ANKRD44: variants seen among roughly 807,000 people sequenced by gnomAD.
ANKRD44 encodes the protein serine/threonine-protein phosphatase 6 regulatory ankyrin repeat subunit B.
In ANKRD44, 35 loss-of-function variants were observed where a neutral mutation model predicts 116.0. The ratio of observed to expected loss-of-function variants is 0.30; its 90% CI spans 0.23 to 0.40. The LOEUF (loss-of-function observed/expected upper bound fraction) is 0.40. Ranked by LOEUF, ANKRD44 falls within the 10% of genes least tolerant of loss-of-function variation. The probability of loss-of-function intolerance (pLI) is 1.00; values close to 1 mark genes in which losing one functional copy is unlikely to be tolerated. For missense variants in ANKRD44, 1,014 were observed against 1,242.6 expected (o/e 0.82, Z 2.77); for synonymous variants, 435 against 461.8 (o/e 0.94, Z 0.74).
At chr2:197,207,168 A>T (rs2081226503) in intron 1 of ANKRD44, among the ~76,000 whole-genome samples, 1 of 152,190 alleles carries the variant, frequency 6.6e-6, no homozygotes, top group African/African-American at 2.4e-5. Context: ...TCTACCCCAA[A>T]ATTGGCCACA....
At chr2:197,150,616 ACTATGATCC>A (rs1309101920) in intron 2 of ANKRD44, among the ~76,000 whole-genome samples, 1 of 151,192 alleles carries the variant, frequency 6.6e-6, no homozygotes, top group Non-Finnish European at 1.5e-5. Flanking sequence ...AAACCCTTCT[ACTATGATCC>A]CTAAGAAATC....
At chr2:197,183,227 C>T (rs534371246) in intron 2 of ANKRD44, among the ~76,000 whole-genome samples, 36 of 152,012 alleles carry the variant, frequency 2.4e-4, no homozygotes, top group African/African-American at 8.0e-4. Context: ...ACATGTGACC[C>T]ATCAAAAAGC....
At chr2:197,004,703 T>G (rs1041892561) in intron 21 of ANKRD44, among the ~76,000 whole-genome samples, 1 of 152,142 alleles carries the variant, frequency 6.6e-6, no homozygotes, top group Admixed American at 6.5e-5. Flanking sequence ...CAAAATAATA[T>G]GGTATAATTT....
chr2:197,307,180 A>T lies in ANKRD44; in HGVS notation c.27+3398T>A, dbSNP rs571747841. Among the ~76,000 whole-genome samples the T allele has an allele frequency of 2.0e-5, 3 of 152,328 alleles. No individual in the cohort carries two copies. The South Asian group carries it at 6.2e-4, about 32-fold the overall frequency. On this transcript the variant is annotated intron_variant, in intron 1 of 27. Transcript: ENST00000282272. ...AGTCAAATGCCTTAGATCTGTATTT[A>T]ACAAAATTTTCTTTCCCAAACTTAA...
rs142079582 is a variant in ANKRD44, at chr2:197,141,090, G to A, written c.191-4428C>T. ...AAATTAGCTGGGCATGATGGCAGGC[G>A]CCTGTAATCCCAGCTACTCAAAAGG... On this transcript the variant is annotated intron_variant, in intron 3 of 27. Transcript: ENST00000282272. Among the ~76,000 whole-genome samples the A allele has an allele frequency of 4.4e-3, 675 of 152,184 alleles. 4 individuals carry two copies. The highest frequency in any genetic ancestry group is 0.015 in the African/African-American group (637 of 41,520).
rs780136055 is a variant in ANKRD44 at position 196,998,988 on chromosome 2, T to G, written c.2584A>C (p.Ser862Arg). 1.4e-5 allele frequency: 22 copies of G among 1,614,118 alleles called. No homozygotes were observed. The highest frequency in any genetic ancestry group is 1.5e-5 in the Non-Finnish European group (18 of 1,180,044). ...VECLQLLLRH[S>R]APVNAVDNSG... is the part of the protein sequence containing the mutation. ...TTATCTACTGCGTTCACTGGAGCAC[T>G]GTGTCTCAGAAGAAGCTGCAAGCAC... The change falls in exon 24 of 28, where the codon AGT becomes CGT. Residue 862 changes from serine (S) to arginine (R), a missense_variant. Ser to Arg is a moderately radical substitution (Grantham distance 110, BLOSUM62 -1). Transcript: ENST00000282272.
At chr2:197,133,030 T>C (rs2079128411) in intron 4 of ANKRD44, among the ~76,000 whole-genome samples, 1 of 152,170 alleles carries the variant, frequency 6.6e-6, no homozygotes, top group African/African-American at 2.4e-5. Flanking sequence ...AGATATCTGA[T>C]GAGTTTTGGA....
intron 1 of ANKRD44, among the ~76,000 whole-genome samples, chr2:197,263,773 G>A (rs1270701929): frequency 2.2e-5 from 3 of 138,818 alleles, no homozygotes. Flanking sequence ...CGGTGTAGCA[G>A]AGGCTCCTAG....
At chr2:197,008,012 T>A in intron 19 of ANKRD44, 89 bp from the exon 20 acceptor site, 1 of 595,804 alleles carries the variant, frequency 1.7e-6, no homozygotes, top group Non-Finnish European at 2.8e-6. Context: ...TTTCTCCCAT[T>A]CTCTTCCCCT....
intron 25 of ANKRD44, among the ~76,000 whole-genome samples, chr2:196,997,650 T>C (rs185836816): frequency 6.5e-4 from 99 of 152,040 alleles, no homozygotes; most frequent in African/African-American, 2.2e-3. Flanking sequence ...GGTTTCTCCA[T>C]TATGGTCAGG....
intron 2 of ANKRD44, among the ~76,000 whole-genome samples, chr2:197,174,864 A>G (rs750460141): frequency 6.6e-6 from 1 of 152,196 alleles, no homozygotes; most frequent in Non-Finnish European, 1.5e-5. Flanking sequence ...AAGGGTTGCT[A>G]TTTTACATGG....
intron 1 of ANKRD44, among the ~76,000 whole-genome samples, chr2:197,276,550 G>A (rs891302319): frequency 6.6e-6 from 1 of 152,020 alleles, no homozygotes; most frequent in African/African-American, 2.4e-5. Context: ...ACTGATTTAT[G>A]AGCAAAAATG....
At chr2:197,092,649 CTCA>C (rs747457045) in intron 10 of ANKRD44, among the ~76,000 whole-genome samples, 3 of 152,158 alleles carry the variant, frequency 2.0e-5, no homozygotes, top group Non-Finnish European at 2.9e-5. Flanking sequence ...ATGCAATTTG[CTCA>C]TCTTCCAGGC....
chr2:197,141,078 A>G (rs2079353082), intron 3 of ANKRD44, among the ~76,000 whole-genome samples: 1 of 152,182 alleles, frequency 6.6e-6, no homozygotes, highest in Admixed American at 6.5e-5. Flanking sequence ...TTAGCTGGGC[A>G]TGATGGCAGG....
chr2:197,271,252 A>G (rs938682772), intron 1 of ANKRD44, among the ~76,000 whole-genome samples: 1 of 152,180 alleles, frequency 6.6e-6, no homozygotes, highest in Non-Finnish European at 1.5e-5. Flanking sequence ...TTAAAACCGA[A>G]TTCCCAATAA....
At chr2:197,176,684 C>G (rs1188396787) in intron 2 of ANKRD44, among the ~76,000 whole-genome samples, 1 of 152,150 alleles carries the variant, frequency 6.6e-6, no homozygotes, top group African/African-American at 2.4e-5. Context: ...TAGGAAAAGA[C>G]AGCCTGTGTT....
At chr2:197,075,057 G>A (rs1210120327) in intron 16 of ANKRD44, among the ~76,000 whole-genome samples, 1 of 152,066 alleles carries the variant, frequency 6.6e-6, no homozygotes, top group Non-Finnish European at 1.5e-5. Flanking sequence ...CAGGGGAGAA[G>A]ATTCAGAGAA....
At position 197,223,153 on chromosome 2, in the gene ANKRD44, T is replaced by C. The variant is rs529347774; in HGVS notation, c.28-36047A>G. 3.2e-3 allele frequency among the ~76,000 whole-genome samples: 492 copies of C among 152,270 alleles called. 1 individual carries two copies. Among genetic ancestry groups the C allele is most frequent in the African/African-American group, 0.011 (466 of 41,538 alleles). On this transcript the variant is annotated intron_variant, in intron 1 of 27. Transcript: ENST00000282272. Reference sequence around the variant, plus strand: ...ATTAAACTATGAAATAGTTGAAGCATACAAAACAGTTTAGATAATAATGTT... The same window carrying C: ...ATTAAACTATGAAATAGTTGAAGCACACAAAACAGTTTAGATAATAATGTT...
intron 16 of ANKRD44, among the ~76,000 whole-genome samples, chr2:197,062,128 C>T (rs1290358613): frequency 1.3e-5 from 2 of 152,164 alleles, no homozygotes; most frequent in African/African-American, 4.8e-5. Context: ...GCACATTTCC[C>T]TATAATCCAC....
Sources: gnomAD v4.1 joint callset for allele counts (sites outside exome capture counted in the v4.1 genomes callset) on GRCh38, gnomAD v4.1.1 for gene constraint, MANE v1.5 for transcripts, NCBI Gene and HGNC (gene_info 2026-07-23, HGNC 2026-07-21) for gene names.